Variants in OGDH observed in about 807,000 individuals in gnomAD.
OGDH encodes the protein oxoglutarate dehydrogenase.
OGDH carries 38 observed loss-of-function variants against 116.6 expected under a neutral mutation model. The observed-to-expected ratio is 0.33, with a 90% CI of 0.25 to 0.43. The LOEUF (loss-of-function observed/expected upper bound fraction) is 0.43, where lower values mean the gene tolerates loss of function less well. OGDH is among the 20% of genes least tolerant of loss of function. OGDH has a pLI of 1.00. For missense variants in OGDH, 825 were observed against 1,357.2 expected, an observed-to-expected ratio of 0.61 and a Z score of 6.16; for synonymous variants, 488 against 533.3, an observed-to-expected ratio of 0.92 and a Z score of 1.17.
At chr7:44,616,799 A>G (rs1367688902) in intron 1 of OGDH, among the ~76,000 whole-genome samples, 5 of 100,758 alleles carry the variant, frequency 5.0e-5, no homozygotes, top group African/African-American at 7.0e-5. Context: ...ATATATGTGT[A>G]TATATATGCA....
Position 44,701,812 on chromosome 7 carries a change from G to A in OGDH, c.2632+197G>A, listed in dbSNP as rs2116399153. ...AATCCCAGCACTTTGGGAGGCCGAG[G>A]CAGGCAGATCATCTGAGGTCAGGAG... On this transcript the variant is annotated intron_variant, in intron 20 of 22. Coordinates refer to ENST00000222673, the MANE Select transcript of OGDH (RefSeq NM_002541.4). 2.0e-5 allele frequency among the ~76,000 whole-genome samples: 3 copies of A among 152,304 alleles called. No homozygotes were observed. The Middle Eastern group carries it at 0.01, about 518-fold the overall frequency.
intron 4 of OGDH, among the ~76,000 whole-genome samples, chr7:44,662,747 C>T (rs1165225411): frequency 1.3e-5 from 2 of 152,246 alleles, no homozygotes; most frequent in African/African-American, 4.8e-5. Context: ...CCGGCGTGAG[C>T]CACTGTGCCC....
chr7:44,678,268 C>G (rs1787785142), intron 9 of OGDH, among the ~76,000 whole-genome samples: 1 of 152,124 alleles, frequency 6.6e-6, no homozygotes, highest in African/African-American at 2.4e-5. Context: ...ACCAGTGCCT[C>G]TGGTATTTGC....
Position 44,674,547 on chromosome 7 carries a change from A to G in OGDH, c.925A>G (p.Met309Val). ...ENGVDYVIMG[M>V]PHRGRLNVLA... is the part of the protein sequence containing the mutation. ...TGGCGTGGACTACGTGATCATGGGCATGCCACACAGGTACAGCCAAGGGCG... is the reference window on the plus strand; with the variant it reads ...TGGCGTGGACTACGTGATCATGGGCGTGCCACACAGGTACAGCCAAGGGCG... The change falls in exon 7 of 23, where the codon ATG becomes GTG. Residue 309 changes from methionine to valine, a missense_variant. Met to Val is a conservative substitution (Grantham distance 21). Transcript: ENST00000222673. 2 of 1,614,078 alleles carry G rather than the reference A, an allele frequency of 1.2e-6. No individual in the cohort carries two copies. The highest frequency in any genetic ancestry group is 1.7e-6 in the Non-Finnish European group (2 of 1,179,992).
At chr7:44,663,455 A>G (rs964571549) in intron 4 of OGDH, among the ~76,000 whole-genome samples, 3 of 152,198 alleles carry the variant, frequency 2.0e-5, no homozygotes, top group African/African-American at 7.2e-5. Context: ...CAACGTGGGA[A>G]AACTCCATCT....
At chr7:44,667,937 A>G (rs986255803) in intron 5 of OGDH, among the ~76,000 whole-genome samples, 1 of 152,086 alleles carries the variant, frequency 6.6e-6, no homozygotes, top group Non-Finnish European at 1.5e-5. Context: ...CACACTGGCC[A>G]TCAGGGCTCT....
chr7:44,625,372 A>G (rs1344099262), intron 2 of OGDH, among the ~76,000 whole-genome samples: 1 of 152,048 alleles, frequency 6.6e-6, no homozygotes, highest in African/African-American at 2.4e-5. Context: ...TGATCCACCC[A>G]CCTTGGCCTC....
intron 2 of OGDH, among the ~76,000 whole-genome samples, chr7:44,632,645 T>C (rs1270115325): frequency 4.6e-5 from 7 of 151,692 alleles, no homozygotes; most frequent in Admixed American, 4.6e-4. Flanking sequence ...TGAGATGGAC[T>C]TTCGCTCTGT....
Position 44,708,044 on chromosome 7 carries a change from G to T in OGDH, c.*45G>T. Reference sequence around the variant, plus strand: ...GGGCCACTGCCCTCTCCACACCCATGACTGCCCCTTGCTTCTCAACTAAAG... The same window carrying T: ...GGGCCACTGCCCTCTCCACACCCATTACTGCCCCTTGCTTCTCAACTAAAG... On this transcript the variant is annotated 3_prime_UTR_variant, in exon 23 of 23. Transcript: ENST00000222673. 6.3e-7 allele frequency: 1 copy of T among 1,591,686 alleles called. No homozygotes were observed. Among genetic ancestry groups the T allele is most frequent in the South Asian group, 1.1e-5 (1 of 89,344 alleles).
intron 5 of OGDH, among the ~76,000 whole-genome samples, chr7:44,668,886 T>C (rs970684266): frequency 6.6e-6 from 1 of 152,244 alleles, no homozygotes; most frequent in South Asian, 2.1e-4. Flanking sequence ...AAATTACATA[T>C]GTGGCTTACA....
At chr7:44,632,592 T>G (rs1354933506) in intron 2 of OGDH, among the ~76,000 whole-genome samples, 4 of 151,774 alleles carry the variant, frequency 2.6e-5, no homozygotes, top group Admixed American at 6.6e-5. Flanking sequence ...CGTGAGCCAC[T>G]GAGCCTGGTG....
At chr7:44,693,237 G>A (rs1788438876) in intron 10 of OGDH, among the ~76,000 whole-genome samples, 1 of 152,098 alleles carries the variant, frequency 6.6e-6, no homozygotes, top group African/African-American at 2.4e-5. Flanking sequence ...GAACCCGGGA[G>A]GTGGAAGTTG....
intron 2 of OGDH, among the ~76,000 whole-genome samples, chr7:44,629,368 G>A (rs967810616): frequency 3.9e-5 from 6 of 152,160 alleles, no homozygotes; most frequent in African/African-American, 1.2e-4. Context: ...TCTCCCAACA[G>A]TGCCTTCAGC....
intron 4 of OGDH, among the ~76,000 whole-genome samples, chr7:44,664,772 A>G (rs532569361): frequency 6.6e-6 from 1 of 152,328 alleles, no homozygotes; most frequent in Admixed American, 6.5e-5. Context: ...CAAAGCACTC[A>G]TATATAGATC....
At chr7:44,618,435 C>T (rs1295495162) in intron 1 of OGDH, among the ~76,000 whole-genome samples, 1 of 152,194 alleles carries the variant, frequency 6.6e-6, no homozygotes, top group Non-Finnish European at 1.5e-5. Flanking sequence ...CAGCCCCAGG[C>T]AACCACTAAT....
At chr7:44,677,902 A>C (rs1787768718) in intron 9 of OGDH, among the ~76,000 whole-genome samples, 1 of 151,322 alleles carries the variant, frequency 6.6e-6, no homozygotes, top group Non-Finnish European at 1.5e-5. Context: ...AAAGAAGTGG[A>C]ACCAATTATT....
At chr7:44,633,310 G>A (rs1462160394) in intron 2 of OGDH, among the ~76,000 whole-genome samples, 1 of 149,248 alleles carries the variant, frequency 6.7e-6, no homozygotes. Context: ...GAGTGAAAAG[G>A]AGCAAATTGT....
chr7:44,611,166 C>G (rs1784549449), intron 1 of OGDH, among the ~76,000 whole-genome samples: 1 of 151,450 alleles, frequency 6.6e-6, no homozygotes, highest in South Asian at 2.1e-4. Flanking sequence ...GCCTCAACCT[C>G]CTGGGCTCAG....
chr7:44,687,323 C>G (rs1486781713), intron 10 of OGDH, among the ~76,000 whole-genome samples: 1 of 151,566 alleles, frequency 6.6e-6, no homozygotes, highest in East Asian at 1.9e-4. Context: ...GTCTTGAACT[C>G]CTGAGCTCAA....
Sources: allele counts gnomAD v4.1 joint callset (sites outside exome capture counted in the v4.1 genomes callset), GRCh38; gene constraint gnomAD v4.1.1; transcripts MANE v1.5; gene names NCBI Gene and HGNC (gene_info 2026-07-23, HGNC 2026-07-21).